RRM2: variants seen among roughly 807,000 people sequenced by gnomAD.
RRM2 encodes the protein ribonucleoside-diphosphate reductase subunit M2.
In RRM2, 6 loss-of-function variants were observed where a neutral mutation model predicts 45.9. The ratio of observed to expected loss-of-function variants is 0.13; its 90% confidence interval spans 0.07 to 0.26. The LOEUF is 0.26. RRM2 is among the 10% of genes least tolerant of loss of function. The probability of loss-of-function intolerance (pLI) is 1.00; values close to 1 mark genes in which losing one functional copy is unlikely to be tolerated. For synonymous variants in RRM2, 177 were observed against 173.0 expected (o/e 1.02, Z -0.18); for missense variants, 343 against 489.5 (o/e 0.70, Z 2.82).
intron 3 of RRM2, among the ~76,000 whole-genome samples, chr2:10,154,618 G>A (rs1663387108): frequency 6.6e-6 from 1 of 151,550 alleles, no homozygotes; most frequent in Admixed American, 6.6e-5. Flanking sequence ...AAAGGAGGAG[G>A]ACCAAGTTCC....
At chr2:10,142,134 C>A in intron 2 of RRM2, 1 of 1,556,670 alleles carries the variant, frequency 6.4e-7, no homozygotes, top group Non-Finnish European at 8.8e-7. Context: ...GGCCCTGTGG[C>A]AGGCGCGTCT....
At chr2:10,189,662 G>C (rs770787264) in intron 3 of RRM2, among the ~76,000 whole-genome samples, 6 of 152,224 alleles carry the variant, frequency 3.9e-5, no homozygotes, top group Non-Finnish European at 7.3e-5. Flanking sequence ...AACTGGGCAG[G>C]GGACTTCAAC....
In RRM2 at chr2:10,123,419, T is replaced by G; in HGVS notation, c.207T>G (p.Asp69Glu). The G allele has an allele frequency of 6.2e-7, 1 of 1,613,968 alleles. No homozygotes were observed. The highest frequency in any genetic ancestry group is 1.7e-5 in the Admixed American group (1 of 59,944). Residue 69 changes from aspartate (D) to glutamate (E), a missense_variant, in exon 3 of 10, where the codon GAT (aspartate) becomes GAG (glutamate). Coordinates refer to ENST00000304567, the MANE Select transcript of RRM2 (RefSeq NM_001034.4). ...AAGCAGCTGCCCCCGGCGTGGAGGA[T>G]GAGCCGCTGCTGAGAGAAAACCCCC... is the stretch of plus-strand genomic sequence containing the variant. ...KTKAAAPGVE[D>E]EPLLRENPRR...
chr2:10,136,813 T>C (rs1662996542), upstream of RRM2, among the ~76,000 whole-genome samples: 1 of 151,990 alleles, frequency 6.6e-6, no homozygotes, highest in African/African-American at 2.4e-5. Context: ...GAGTCTAGTC[T>C]CCATGCAACC....
At chr2:10,151,626 C>G (rs374247702) in intron 3 of RRM2, among the ~76,000 whole-genome samples, 73 of 152,194 alleles carry the variant, frequency 4.8e-4, no homozygotes, top group African/African-American at 1.6e-3. Context: ...TGCATAGGAG[C>G]AGAATGACTG....
At chr2:10,173,328 CT>C (rs1296467752) in intron 3 of RRM2, among the ~76,000 whole-genome samples, 2 of 152,202 alleles carry the variant, frequency 1.3e-5, no homozygotes, top group African/African-American at 4.8e-5. Flanking sequence ...CCTTAGTCCC[CT>C]TTCTCCCCCA....
chr2:10,146,568 C>T (rs1017289352), intron 3 of RRM2, among the ~76,000 whole-genome samples: 1 of 152,214 alleles, frequency 6.6e-6, no homozygotes, highest in African/African-American at 2.4e-5. Flanking sequence ...AGCCCCCTTG[C>T]ACTGGGCAAC....
chr2:10,195,366 G>T lies in RRM2; in HGVS notation n.483-14945G>T, dbSNP rs1451118227. On this transcript the variant is annotated intron_variant and non_coding_transcript_variant, in intron 3 of 3. Transcript: ENST00000381786. The surrounding 1 kb of genome is among the most constrained non-coding windows in gnomAD (Gnocchi z 4.9). ...CTGGACTTGGAAGGAAGGAAGAGCGGACACAGGGCCTCTGAGCGGACAGTG... is the reference window on the plus strand; with the variant it reads ...CTGGACTTGGAAGGAAGGAAGAGCGTACACAGGGCCTCTGAGCGGACAGTG... Among the ~76,000 whole-genome samples, 1 of 152,046 alleles carries T rather than the reference G, an allele frequency of 6.6e-6. No individual in the cohort carries two copies. The highest frequency in any genetic ancestry group is 1.5e-5 in the Non-Finnish European group (1 of 67,992).
chr2:10,203,834 A>G (rs534077695), intron 3 of RRM2, among the ~76,000 whole-genome samples: 3 of 151,908 alleles, frequency 2.0e-5, no homozygotes, highest in East Asian at 3.9e-4. Context: ...GACCAAGGGG[A>G]TGGGGCTCAC....
intron 3 of RRM2, among the ~76,000 whole-genome samples, chr2:10,209,395 G>T (rs901462690): frequency 3.3e-5 from 5 of 152,022 alleles, no homozygotes; most frequent in South Asian, 2.1e-4. Context: ...CGGGGGTGCT[G>T]CTCCCCTGCC....
intron 3 of RRM2, chr2:10,198,803 G>A (rs892124024): frequency 3.3e-5 from 5 of 152,158 alleles, no homozygotes; most frequent in African/African-American, 1.2e-4. Context: ...AGAGCTTATC[G>A]CAGGTTGGGA....
At position 10,172,753 on chromosome 2, in the gene RRM2, T is replaced by G. The variant is rs1663829488; in HGVS notation, n.482+30378T>G. Reference sequence around the variant, plus strand: ...TGCACCCAGGACTGCCCACATCAGTTGCAAAATGCAATGTGGGGCCCTTTG... The same window carrying G: ...TGCACCCAGGACTGCCCACATCAGTGGCAAAATGCAATGTGGGGCCCTTTG... On this transcript the variant is annotated intron_variant and non_coding_transcript_variant, in intron 3 of 3. Coordinates refer to the RRM2 transcript ENST00000381786. The surrounding 1 kb of genome is among the most constrained non-coding windows in gnomAD (Gnocchi z 4.9). Among the ~76,000 whole-genome samples, 1 of 152,204 alleles carries G rather than the reference T, an allele frequency of 6.6e-6. No individual in the cohort carries two copies. The highest frequency in any genetic ancestry group is 2.1e-4 in the South Asian group (1 of 4,832).
intron 3 of RRM2, among the ~76,000 whole-genome samples, chr2:10,148,229 A>AT (rs1306234191): frequency 6.6e-6 from 1 of 150,688 alleles, no homozygotes; most frequent in African/African-American, 2.4e-5. Flanking sequence ...TTTTTGTTTA[A>AT]TGTATCATTT....
chr2:10,202,179 G>A (rs140274632), intron 3 of RRM2, among the ~76,000 whole-genome samples: 1 of 152,064 alleles, frequency 6.6e-6, no homozygotes, highest in Admixed American at 6.5e-5. Flanking sequence ...TTCACAACTA[G>A]CCCAAACCTT....
rs1664399119 is a variant in RRM2 at position 10,195,553 on chromosome 2, G to T, written n.483-14758G>T. Among the ~76,000 whole-genome samples the T allele has an allele frequency of 6.6e-6, 1 of 152,184 alleles. No individual in the cohort carries two copies. The highest frequency in any genetic ancestry group is 6.5e-5 in the Admixed American group (1 of 15,286). ...TGCTTCAGCTGGATGAGAGGGTGTG[G>T]GAGAGAGGAGCATCCCAGGCAAAGT... On this transcript the variant is annotated intron_variant and non_coding_transcript_variant, in intron 3 of 3. Transcript: ENST00000381786. This position sits in a 1 kb window ranked among gnomAD's most constrained non-coding sequence, Gnocchi z 4.9.
At chr2:10,198,088 C>G (rs781162789) in intron 3 of RRM2, among the ~76,000 whole-genome samples, 19 of 152,226 alleles carry the variant, frequency 1.2e-4, no homozygotes, top group Admixed American at 1.3e-4. Context: ...TCCCCAGGCC[C>G]ATTCTGTGTC....
At position 10,131,400 on chromosome 2, in the gene RRM2, A is replaced by G. The variant is rs1662897876; in HGVS notation, c.*2014A>G. Reference sequence around the variant, plus strand: ...ACAAGTCTTAAGTGATTAAAATAAAACTGTTCTTATGTCAGTTTCTTGATT... The same window carrying G: ...ACAAGTCTTAAGTGATTAAAATAAAGCTGTTCTTATGTCAGTTTCTTGATT... On this transcript the variant is annotated 3_prime_UTR_variant, in exon 10 of 10. Transcript: ENST00000304567. 1 of 151,964 alleles carries G rather than the reference A, an allele frequency of 6.6e-6. No individual in the cohort carries two copies. The highest frequency in any genetic ancestry group is 2.4e-5 in the African/African-American group (1 of 41,276). 9.4% of individuals were successfully genotyped at this position (151,964 alleles called of 1,614,324 possible).
At chr2:10,202,432 AAGAC>A (rs1664584238) in intron 3 of RRM2, among the ~76,000 whole-genome samples, 1 of 152,240 alleles carries the variant, frequency 6.6e-6, no homozygotes. Context: ...TCAACAGTCA[AAGAC>A]AGATTTATTT....
rs1289742401 is a variant in RRM2 at position 10,181,778 on chromosome 2, TTTTA to T, written n.483-28532_483-28529del. 5.7e-3 allele frequency among the ~76,000 whole-genome samples: 263 copies of T among 46,026 alleles called. 15 individuals carry two copies. Among genetic ancestry groups the T allele is most frequent in the East Asian group, 0.028 (21 of 744 alleles). The allele number at this position is 46,026 out of a possible 152,430, so 30.2% of individuals were successfully genotyped here. A position where few individuals can be genotyped will look rare whatever the true frequency, so the allele number is the denominator to read the frequency against. On this transcript the variant is annotated intron_variant and non_coding_transcript_variant, in intron 3 of 3. Coordinates refer to the RRM2 transcript ENST00000381786. Reference sequence around the variant, plus strand: ...TCTTTTTTTTTTTTTTTTTTTTTTTTTTTAAGACAGGGTCTCAGCTCTGTCACTC... The same window carrying T: ...TCTTTTTTTTTTTTTTTTTTTTTTTTAGACAGGGTCTCAGCTCTGTCACTC...
Sources: gnomAD v4.1 joint callset for allele counts (sites outside exome capture counted in the v4.1 genomes callset) on GRCh38, gnomAD v4.1.1 for gene constraint, Gnocchi (gnomAD v3.1) non-coding constraint, MANE v1.5 for transcripts, NCBI Gene and HGNC (gene_info 2026-07-23, HGNC 2026-07-21) for gene names.